PLCB4: variants seen among roughly 807,000 people sequenced by gnomAD.
PLCB4 encodes phospholipase C beta 4, also known as 1-phosphatidylinositol 4,5-bisphosphate phosphodiesterase beta-4.
In PLCB4, 77 loss-of-function variants were observed where a neutral mutation model predicts 178.8. The observed-to-expected ratio is 0.43, with a 90% confidence interval of 0.36 to 0.52. PLCB4 has a LOEUF of 0.52. PLCB4 is among the 20% of genes least tolerant of loss of function. The pLI, the probability that PLCB4 is intolerant of heterozygous loss-of-function variation, is 0.00. For synonymous variants in PLCB4, 496 were observed against 490.8 expected (o/e 1.01, Z -0.14); for missense variants, 1,024 against 1,453.4 (o/e 0.70, Z 4.80).
At chr20:9,082,805 A>G (rs2090217567) in intron 1 of PLCB4, among the ~76,000 whole-genome samples, 1 of 152,144 alleles carries the variant, frequency 6.6e-6, no homozygotes, top group Non-Finnish European at 1.5e-5. Flanking sequence ...GTTTCTCCCC[A>G]TCTGCCATAA....
intron 34 of PLCB4, among the ~76,000 whole-genome samples, chr20:9,458,889 C>T (rs2043217546): frequency 6.6e-6 from 1 of 152,110 alleles, no homozygotes. Context: ...GACTTTCTAC[C>T]CTAGTGTCTA....
At chr20:9,375,174 A>T (rs2036568118) in intron 12 of PLCB4, among the ~76,000 whole-genome samples, 1 of 152,166 alleles carries the variant, frequency 6.6e-6, no homozygotes, top group South Asian at 2.1e-4. Context: ...GGCTTGAAGA[A>T]GCCTTGTCAA....
intron 2 of PLCB4, among the ~76,000 whole-genome samples, chr20:9,111,178 TCTC>T (rs1020853650): frequency 1.3e-5 from 2 of 152,112 alleles, no homozygotes; most frequent in African/African-American, 4.8e-5. Context: ...CTATGACTCT[TCTC>T]TACTTGGGAA....
intron 4 of PLCB4, among the ~76,000 whole-genome samples, chr20:9,334,211 A>G (rs1311781525): frequency 6.6e-6 from 1 of 152,182 alleles, no homozygotes; most frequent in African/African-American, 2.4e-5. Context: ...AGAGTGTTTC[A>G]AGAAGGAAGG....
chr20:9,191,471 G>T (rs761446071), intron 2 of PLCB4, among the ~76,000 whole-genome samples: 2 of 149,332 alleles, frequency 1.3e-5, no homozygotes, highest in Non-Finnish European at 3.0e-5. Context: ...CTTGATCTTG[G>T]ACTTTGCAGC....
intron 35 of PLCB4, among the ~76,000 whole-genome samples, chr20:9,468,318 G>A (rs1297733918): frequency 6.6e-6 from 1 of 152,072 alleles, no homozygotes; most frequent in East Asian, 1.9e-4. Context: ...AGAGGAGTGA[G>A]CCTAGTCATA....
At chr20:9,167,773 A>G (rs2092996534) in intron 2 of PLCB4, among the ~76,000 whole-genome samples, 1 of 152,224 alleles carries the variant, frequency 6.6e-6, no homozygotes, top group Non-Finnish European at 1.5e-5. Flanking sequence ...AGCTTTAGAA[A>G]CATATTTCAT....
At chr20:9,436,043 T>G (rs2041747089) in intron 29 of PLCB4, among the ~76,000 whole-genome samples, 2 of 152,246 alleles carry the variant, frequency 1.3e-5, no homozygotes. Flanking sequence ...CTTTGCTTTT[T>G]GAAGTTTCAC....
At chr20:9,338,124 C>T in intron 6 of PLCB4, 57 bp downstream of exon 6, 2 of 1,163,330 alleles carry the variant, frequency 1.7e-6, no homozygotes, top group East Asian at 2.4e-5. Flanking sequence ...TTGGAAATGG[C>T]CATGGCTTCT....
At chr20:9,399,187 A>G (rs2038841367) in intron 19 of PLCB4, among the ~76,000 whole-genome samples, 1 of 152,160 alleles carries the variant, frequency 6.6e-6, no homozygotes, top group Admixed American at 6.5e-5. Flanking sequence ...AGTGACTCCC[A>G]TGTTATTCCA....
At chr20:9,389,595 C>T (rs2037966556) in intron 15 of PLCB4, among the ~76,000 whole-genome samples, 2 of 152,182 alleles carry the variant, frequency 1.3e-5, no homozygotes, top group African/African-American at 4.8e-5. Flanking sequence ...GATTAACAAG[C>T]CACAGACTGG....
intron 3 of PLCB4, among the ~76,000 whole-genome samples, chr20:9,222,036 G>GTTTTATTTTATTTTATTTTATTTTA (rs869180528): frequency 1.0e-5 from 1 of 97,278 alleles, no homozygotes; most frequent in Non-Finnish European, 2.2e-5. Context: ...ATTTTATTTT[G>GTTTTATTTTATTTTATTTTATTTTA]TTTTATTTTA....
chr20:9,430,432 G>A (rs1026846141), intron 28 of PLCB4, among the ~76,000 whole-genome samples: 4 of 152,078 alleles, frequency 2.6e-5, no homozygotes, highest in African/African-American at 9.7e-5. Flanking sequence ...ATTGTATATT[G>A]TAATTTCTTA....
chr20:9,099,941 C>T (rs1360185449), intron 2 of PLCB4, among the ~76,000 whole-genome samples: 28 of 152,134 alleles, frequency 1.8e-4, no homozygotes. Context: ...TATCTGAATC[C>T]TTTTCCTGAA....
chr20:9,249,221 T>A lies in PLCB4; in HGVS notation c.-16+31769T>A, dbSNP rs146973455. 9.2e-3 allele frequency among the ~76,000 whole-genome samples: 1,398 copies of A among 152,234 alleles called. 19 individuals are homozygous for A. Among genetic ancestry groups the A allele is most frequent in the African/African-American group, 0.027 (1,118 of 41,562 alleles). On this transcript the variant is annotated intron_variant, in intron 3 of 39. Coordinates refer to ENST00000378473, the MANE Select transcript of PLCB4 (RefSeq NM_001377142.1). ...GCATTTTAATGCCAGCTTTTTTTTT[T>A]AATTTTATTATTATTATACTTTAAG...
At chr20:9,408,966 G>T (rs947737508) in intron 23 of PLCB4, 91 bp from the exon 24 acceptor site, 2 of 1,148,330 alleles carry the variant, frequency 1.7e-6, no homozygotes, top group African/African-American at 1.6e-5. Flanking sequence ...GTTTGTCATT[G>T]TTGGCCTAGA....
chr20:9,395,650 G>C, intron 19 of PLCB4, 32 bp downstream of exon 19: 1 of 1,450,146 alleles, frequency 6.9e-7, no homozygotes, highest in Middle Eastern at 1.7e-4. Flanking sequence ...TAAGTTACAT[G>C]CTTTGAAAAT....
At chr20:9,357,757 A>G (rs2034967710) in intron 7 of PLCB4, among the ~76,000 whole-genome samples, 1 of 152,198 alleles carries the variant, frequency 6.6e-6, no homozygotes, top group African/African-American at 2.4e-5. Flanking sequence ...TGGCGCCTTG[A>G]TCTTGGATTC....
In PLCB4 at chr20:9,472,808, C is replaced by T; in HGVS notation, c.3369C>T (p.Asn1123=). The T allele has an allele frequency of 1.3e-6, 2 of 1,599,336 alleles. No homozygotes were observed. Among genetic ancestry groups the T allele is most frequent in the Middle Eastern group, 1.7e-4 (1 of 6,010 alleles). ...AERERRVREL[N]SSNTKKFLEE... is the part of the protein sequence containing the mutation. ...CTTTTAGGCGAGTCAGGGAGTTAAACAGCAGCAACACTAAAAAGTTTCTGG... is the reference window on the plus strand; with the variant it reads ...CTTTTAGGCGAGTCAGGGAGTTAAATAGCAGCAACACTAAAAAGTTTCTGG... The change falls in exon 37 of 40, where the codon AAC becomes AAT. Residue 1123 remains asparagine (N), a synonymous_variant. Transcript: ENST00000378473.
Sources: gnomAD v4.1 joint callset for allele counts (sites outside exome capture counted in the v4.1 genomes callset) on GRCh38, gnomAD v4.1.1 for gene constraint, MANE v1.5 for transcripts, NCBI Gene and HGNC (gene_info 2026-07-23, HGNC 2026-07-21) for gene names.